FGFR2: variants seen among roughly 807,000 people sequenced by gnomAD.
FGFR2 encodes BEK fibroblast growth factor receptor.
Under a neutral mutation model 95.9 loss-of-function variants are expected in FGFR2, and 19 were observed. The observed-to-expected ratio is 0.20, with a 90% CI of 0.14 to 0.29. The LOEUF is 0.29. Among genes scored for constraint, FGFR2 ranks in the 10% least tolerant of loss-of-function variants. FGFR2 has a pLI of 1.00. For synonymous variants in FGFR2, 392 were observed against 393.3 expected, an observed-to-expected ratio of 1.00 and a Z score of 0.04; for missense variants, 707 against 1,056.9, an observed-to-expected ratio of 0.67 and a Z score of 4.59.
intron 6 of FGFR2, among the ~76,000 whole-genome samples, chr10:121,529,669 G>A (rs1851835458): frequency 6.6e-6 from 1 of 152,312 alleles, no homozygotes; most frequent in Non-Finnish European, 1.5e-5. Context: ...TTGTTTGAGA[G>A]AATCCTGTAA....
At chr10:121,489,326 G>C (rs972780819) in intron 13 of FGFR2, among the ~76,000 whole-genome samples, 1 of 151,864 alleles carries the variant, frequency 6.6e-6, no homozygotes, top group Non-Finnish European at 1.5e-5. Flanking sequence ...CATCCGCCTC[G>C]GCCTCCCAAA....
At chr10:121,548,617 C>T (rs1854928527) in intron 5 of FGFR2, among the ~76,000 whole-genome samples, 1 of 152,056 alleles carries the variant, frequency 6.6e-6, no homozygotes, top group South Asian at 2.1e-4. Flanking sequence ...ATGTCGGTTC[C>T]ATTTATTTTG....
intron 10 of FGFR2, among the ~76,000 whole-genome samples, chr10:121,501,994 A>T (rs1171154721): frequency 6.6e-6 from 1 of 152,184 alleles, no homozygotes; most frequent in East Asian, 1.9e-4. Context: ...AATCTGTTCC[A>T]CCTACGTTTG....
intron 4 of FGFR2, among the ~76,000 whole-genome samples, chr10:121,551,895 C>A (rs1280275179): frequency 6.6e-6 from 1 of 152,058 alleles, no homozygotes; most frequent in African/African-American, 2.4e-5. Flanking sequence ...TTCTCAAAAG[C>A]CCTATCAACT....
intron 12 of FGFR2, among the ~76,000 whole-genome samples, chr10:121,497,277 G>A (rs1301106873): frequency 6.6e-6 from 1 of 152,076 alleles, no homozygotes; most frequent in African/African-American, 2.4e-5. Context: ...CACAGTTGAC[G>A]TGCTCTTCCC....
In FGFR2 at chr10:121,514,203, C is replaced by T. The variant is rs533839937; in HGVS notation, c.1287+914G>A. On this transcript the variant is annotated intron_variant, in intron 9 of 17. Coordinates refer to ENST00000358487, the MANE Select transcript of FGFR2 (RefSeq NM_000141.5). ...GCCAATGAGTTTGCTGTTTTACTTGCTATTTCAAAAGAAACCTTTATCAGA... is the reference window on the plus strand; with the variant it reads ...GCCAATGAGTTTGCTGTTTTACTTGTTATTTCAAAAGAAACCTTTATCAGA... 3.3e-5 allele frequency among the ~76,000 whole-genome samples: 5 copies of T among 152,328 alleles called. No homozygotes were observed. The East Asian group carries it at 9.6e-4, about 29-fold the overall frequency.
chr10:121,596,568 T>C (rs1402136875), intron 1 of FGFR2: 2 of 200,522 alleles, frequency 1.0e-5, no homozygotes, highest in Non-Finnish European at 2.1e-5. Context: ...GCTTAAGGCC[T>C]CCCTACTTCT....
rs1215906463 is a variant in FGFR2 at position 121,485,019 on chromosome 10, C to T, written c.2195+376G>A. 1.3e-5 allele frequency among the ~76,000 whole-genome samples: 2 copies of T among 152,150 alleles called. No homozygotes were observed. The highest frequency in any genetic ancestry group is 4.8e-5 in the African/African-American group (2 of 41,444). ...TAATCCTACACCCTGCAGGGCGGCCCCGCGGCTTTCTAGCTTGTTTCCTGA... is the reference window on the plus strand; with the variant it reads ...TAATCCTACACCCTGCAGGGCGGCCTCGCGGCTTTCTAGCTTGTTTCCTGA... On this transcript the variant is annotated intron_variant, in intron 16 of 17. Coordinates refer to ENST00000358487, the MANE Select transcript of FGFR2 (RefSeq NM_000141.5). The surrounding 1 kb of genome is among the most constrained non-coding windows in gnomAD (Gnocchi z 4.2).
chr10:121,554,756 A>G (rs1321669024), intron 4 of FGFR2, among the ~76,000 whole-genome samples: 1 of 152,144 alleles, frequency 6.6e-6, no homozygotes, highest in African/African-American at 2.4e-5. Flanking sequence ...TAGAAAAATA[A>G]TAATACTATA....
intron 9 of FGFR2, among the ~76,000 whole-genome samples, chr10:121,507,707 A>C (rs978835262): frequency 1.3e-5 from 2 of 152,210 alleles, no homozygotes; most frequent in Non-Finnish European, 2.9e-5. Flanking sequence ...GAGCTCAGTT[A>C]ATGTCTGCTA....
In FGFR2 at chr10:121,559,621, G is replaced by C. The variant is rs537843071; in HGVS notation, c.454+4881C>G. Among the ~76,000 whole-genome samples the C allele has an allele frequency of 7.2e-5, 11 of 152,286 alleles. No individual in the cohort carries two copies. The East Asian group carries it at 2.1e-3, about 29-fold the overall frequency. On this transcript the variant is annotated intron_variant, in intron 4 of 17. Coordinates refer to ENST00000358487, the MANE Select transcript of FGFR2 (RefSeq NM_000141.5). ...CACCTCCTCACAGCAGTATCTCCCTGGTACAGCTAACACTAGCCCTTAATC... is the reference window on the plus strand; with the variant it reads ...CACCTCCTCACAGCAGTATCTCCCTCGTACAGCTAACACTAGCCCTTAATC...
intron 15 of FGFR2, among the ~76,000 whole-genome samples, chr10:121,487,117 G>A (rs775370185): frequency 5.3e-5 from 8 of 152,236 alleles, no homozygotes; most frequent in Admixed American, 6.5e-5. Flanking sequence ...AAGGACTTCC[G>A]CTCTGGCAGG....
Position 121,593,842 on chromosome 10 carries a change from T to C in FGFR2, c.-25A>G. On this transcript the variant is annotated 5_prime_UTR_variant, in exon 2 of 18. Coordinates refer to ENST00000358487, the MANE Select transcript of FGFR2 (RefSeq NM_000141.5). Reference sequence around the variant, plus strand: ...TGGTTACGGTACCAATCCCCGGTCCTCTTCCATATCTCCATGTGGACGTTA... The same window carrying C: ...TGGTTACGGTACCAATCCCCGGTCCCCTTCCATATCTCCATGTGGACGTTA... 6.3e-7 allele frequency: 1 copy of C among 1,592,698 alleles called. No homozygotes were observed. Among genetic ancestry groups the C allele is most frequent in the Non-Finnish European group, 8.6e-7 (1 of 1,160,488 alleles).
At position 121,483,746 on chromosome 10, in the gene FGFR2, C is replaced by T. The variant is rs1265432568; in HGVS notation, c.2253G>A (p.Lys751=). The T allele has an allele frequency of 1.2e-6, 2 of 1,614,062 alleles. No homozygotes were observed. The highest frequency in any genetic ancestry group is 1.6e-4 in the Middle Eastern group (1 of 6,062). Residue 751 remains lysine, a synonymous_variant, in exon 17 of 18, where the codon AAG becomes AAA. Transcript: ENST00000358487. ...HAVPSQRPTF[K]QLVEDLDRIL... is the part of the protein sequence containing the mutation. ...TTCGATCCAAGTCTTCTACCAACTG[C>T]TTGAACGTTGGTCTCTGGGAGGGCA...
At chr10:121,574,801 C>A (rs1859452544) in intron 2 of FGFR2, among the ~76,000 whole-genome samples, 1 of 152,128 alleles carries the variant, frequency 6.6e-6, no homozygotes. Flanking sequence ...ATACTCCGCA[C>A]AATATAAAGG....
rs1033006121 is a variant in FGFR2 at position 121,481,965 on chromosome 10, G to A, written c.2301+1733C>T. 9.8e-6 allele frequency: 4 copies of A among 407,554 alleles called. No homozygotes were observed. The Admixed American group carries it at 1.2e-4, about 12-fold the overall frequency. 25.2% of individuals were successfully genotyped at this position (407,554 alleles called of 1,614,324 possible). ...GACTCTCCTGCCTCAGCCTCCCGGAGTAGCTGGGATTACAGGTGCACACCA... is the reference window on the plus strand; with the variant it reads ...GACTCTCCTGCCTCAGCCTCCCGGAATAGCTGGGATTACAGGTGCACACCA... On this transcript the variant is annotated intron_variant, in intron 17 of 17. Coordinates refer to ENST00000358487, the MANE Select transcript of FGFR2 (RefSeq NM_000141.5).
intron 5 of FGFR2, among the ~76,000 whole-genome samples, chr10:121,544,443 T>TAAAAAAAA: frequency 9.4e-6 from 1 of 106,216 alleles, no homozygotes; most frequent in South Asian, 3.1e-4. Context: ...AACTCCGTCT[T>TAAAAAAAA]AAAAAAAAAA....
chr10:121,498,400 G>A (rs1279190894), intron 12 of FGFR2, 95 bp downstream of exon 12: 7 of 821,500 alleles, frequency 8.5e-6, no homozygotes, highest in East Asian at 7.5e-5. Flanking sequence ...CACACAGGGT[G>A]CTCTGGGAGC....
chr10:121,482,602 A>C (rs1037187228), intron 17 of FGFR2, among the ~76,000 whole-genome samples: 2 of 152,172 alleles, frequency 1.3e-5, no homozygotes, highest in African/African-American at 4.8e-5. Flanking sequence ...TAAATATCTC[A>C]AAATACATTC....
Sources: allele counts gnomAD v4.1 joint callset (sites outside exome capture counted in the v4.1 genomes callset), GRCh38; gene constraint gnomAD v4.1.1; non-coding constraint Gnocchi (gnomAD v3.1); transcripts MANE v1.5; gene names NCBI Gene and HGNC (gene_info 2026-07-23, HGNC 2026-07-21).